LYST: variants seen among roughly 807,000 people sequenced by gnomAD.
The protein encoded by LYST is lysosomal trafficking regulator.
LYST carries 192 observed loss-of-function variants against 413.6 expected under a neutral mutation model. The ratio of observed to expected loss-of-function variants is 0.46; its 90% CI spans 0.41 to 0.52. The LOEUF is 0.52. Ranked by LOEUF, LYST falls within the 20% of genes least tolerant of loss-of-function variation. The pLI is 0.00. For missense variants in LYST, 3,815 were observed against 4,499.9 expected (o/e 0.85, Z 4.35); for synonymous variants, 1,525 against 1,567.3 (o/e 0.97, Z 0.64).
chr1:235,776,062 T>G (rs1207748470), intron 17 of LYST, among the ~76,000 whole-genome samples: 1 of 152,102 alleles, frequency 6.6e-6, no homozygotes, highest in Admixed American at 6.5e-5. Flanking sequence ...AATACCTTGA[T>G]GAAAGAGAAG....
intron 48 of LYST, among the ~76,000 whole-genome samples, chr1:235,681,080 T>C (rs1259891840): frequency 1.3e-5 from 2 of 152,122 alleles, no homozygotes; most frequent in African/African-American, 2.4e-5. Flanking sequence ...CTACCAAAGA[T>C]GATTTTCACA....
chr1:235,835,577 C>T lies in LYST; in HGVS notation c.-97-1910G>A, dbSNP rs555534829. On this transcript the variant is annotated intron_variant, in intron 1 of 52. Transcript: ENST00000389793. Reference sequence around the variant, plus strand: ...ACAAAGCCTCACTTGAATATCTATGCAGTTTCATTTTATCCAAGATCATAA... The same window carrying T: ...ACAAAGCCTCACTTGAATATCTATGTAGTTTCATTTTATCCAAGATCATAA... Among the ~76,000 whole-genome samples the T allele has an allele frequency of 2.6e-5, 4 of 152,326 alleles. No homozygotes were observed. The South Asian group carries it at 8.3e-4, about 32-fold the overall frequency.
At chr1:235,708,143 C>A (rs1046959374) in intron 44 of LYST, among the ~76,000 whole-genome samples, 8 of 151,814 alleles carry the variant, frequency 5.3e-5, no homozygotes, top group African/African-American at 1.9e-4. Context: ...GATAAGGTTA[C>A]CAAATAGCAT....
intron 44 of LYST, among the ~76,000 whole-genome samples, chr1:235,708,848 T>C (rs1330287613): frequency 2.0e-5 from 3 of 152,272 alleles, no homozygotes; most frequent in African/African-American, 7.2e-5. Context: ...ATATGCTGAA[T>C]CCTCAAGTCC....
chr1:235,741,375 T>C (rs2103258267), intron 31 of LYST, 47 bp downstream of exon 31: 1 of 1,415,422 alleles, frequency 7.1e-7, no homozygotes, highest in Non-Finnish European at 1.0e-6. Flanking sequence ...TCAGACTTTG[T>C]ATTTCACCAA....
chr1:235,772,659 C>T (rs12075741), intron 19 of LYST, among the ~76,000 whole-genome samples: 4 of 152,098 alleles, frequency 2.6e-5, no homozygotes, highest in African/African-American at 4.8e-5. Flanking sequence ...TTTGTACTTA[C>T]GATGAAGCCT....
At chr1:235,741,803 G>A (rs1482037745) in intron 30 of LYST, among the ~76,000 whole-genome samples, 175 bp from the exon 31 acceptor site, 1 of 152,060 alleles carries the variant, frequency 6.6e-6, no homozygotes, top group Non-Finnish European at 1.5e-5. Flanking sequence ...AAAAGAGATG[G>A]GCATACAACA....
chr1:235,834,784 AC>A (rs1676382144), intron 1 of LYST, among the ~76,000 whole-genome samples: 1 of 151,848 alleles, frequency 6.6e-6, no homozygotes, highest in Non-Finnish European at 1.5e-5. Context: ...TTTCAGTCTC[AC>A]CCCCTCATTC....
intron 1 of LYST, among the ~76,000 whole-genome samples, chr1:235,858,476 A>C (rs1427029384): frequency 6.6e-6 from 1 of 152,126 alleles, no homozygotes; most frequent in Non-Finnish European, 1.5e-5. Context: ...ATCACCTGAA[A>C]CTGCTAACTC....
At chr1:235,789,096 G>A (rs1050849080) in intron 12 of LYST, among the ~76,000 whole-genome samples, 21 of 152,086 alleles carry the variant, frequency 1.4e-4, no homozygotes, top group Non-Finnish European at 3.1e-4. Flanking sequence ...TATAATAACT[G>A]AGGACAATTG....
In LYST at chr1:235,877,430, G is replaced by A. The variant is rs868833464; in HGVS notation, n.454+5757C>T. Among the ~76,000 whole-genome samples the A allele has an allele frequency of 3.3e-5, 5 of 152,066 alleles. No homozygotes were observed. The East Asian group carries it at 7.7e-4, about 23-fold the overall frequency. On this transcript the variant is annotated intron_variant and non_coding_transcript_variant, in intron 1 of 11. Transcript: ENST00000465349. Reference sequence around the variant, plus strand: ...CTTTGTTGTTGTTGTTTTTGGAGACGGGGTTTTGCTCTTGTCGCCCAGGCT... The same window carrying A: ...CTTTGTTGTTGTTGTTTTTGGAGACAGGGTTTTGCTCTTGTCGCCCAGGCT...
At chr1:235,720,936 A>G (rs752268331) in intron 39 of LYST, 31 bp from the exon 40 acceptor site, 1 of 1,608,656 alleles carries the variant, frequency 6.2e-7, no homozygotes, top group South Asian at 1.1e-5. Context: ...AAAAACCCAG[A>G]TATTATTTTT....
chr1:235,718,524 A>T (rs1413408513), intron 40 of LYST, among the ~76,000 whole-genome samples: 1 of 152,084 alleles, frequency 6.6e-6, no homozygotes, highest in Non-Finnish European at 1.5e-5. Context: ...GGCCTCCCAA[A>T]GTGCTGGGAT....
Position 235,720,821 on chromosome 1 carries a change from A to T in LYST, c.9400T>A (p.Leu3134Ile), listed in dbSNP as rs1663293926. Residue 3134 changes from leucine to isoleucine, a missense_variant, in exon 40 of 53, where the codon TTA becomes ATA. Transcript: ENST00000389793. ...TTAGTAATTTGCCCAGTATACCATA[A>T]ATTTGTCAGAGCGGTGATGTTACCA... ...EYGNITALTN[L>I]WYTGQITNFE... The T allele has an allele frequency of 1.9e-6, 3 of 1,614,066 alleles. No homozygotes were observed. Among genetic ancestry groups the T allele is most frequent in the Non-Finnish European group, 2.5e-6 (3 of 1,179,958 alleles).
intron 40 of LYST, among the ~76,000 whole-genome samples, chr1:235,717,171 T>C (rs1409685537): frequency 6.6e-6 from 1 of 152,134 alleles, no homozygotes; most frequent in Non-Finnish European, 1.5e-5. Context: ...TTAGGCGGTG[T>C]AGAATGAAGG....
intron 8 of LYST, among the ~76,000 whole-genome samples, chr1:235,801,802 C>A (rs1164677280): frequency 6.6e-6 from 1 of 152,096 alleles, no homozygotes; most frequent in South Asian, 2.1e-4. Context: ...AGTCATGGGT[C>A]CATCAAGCCC....
At position 235,806,134 on chromosome 1, in the gene LYST, A is replaced by C; in HGVS notation, c.3002T>G (p.Leu1001Arg). 6.2e-7 allele frequency: 1 copy of C among 1,613,936 alleles called. No individual in the cohort carries two copies. The highest frequency in any genetic ancestry group is 1.1e-5 in the South Asian group (1 of 91,070). ...HKLIFMIIQK[L>R]FRSHKEEQGK... ...TTGCTCCTCTTTGTGACTTCTGAACAGTTTCTGTATTATCATAAATATTAA... is the reference window on the plus strand; with the variant it reads ...TTGCTCCTCTTTGTGACTTCTGAACCGTTTCTGTATTATCATAAATATTAA... The change falls in exon 6 of 53, where the codon CTG (leucine) becomes CGG (arginine). Residue 1001 changes from leucine (L) to arginine (R), a missense_variant. By Grantham distance (102) the Leu-to-Arg change is moderately radical. This residue lies in a region of LYST where 1,648 missense variants were observed against 1,810.3 expected (regional missense o/e 0.91). Transcript: ENST00000389793.
intron 16 of LYST, among the ~76,000 whole-genome samples, chr1:235,779,146 C>T (rs778951670): frequency 1.1e-4 from 16 of 152,178 alleles, no homozygotes; most frequent in Non-Finnish European, 1.9e-4. Flanking sequence ...GGATTACAGG[C>T]ATGAGCCACC....
chr1:235,875,288 A>G (rs957428813), intron 1 of LYST, among the ~76,000 whole-genome samples: 10 of 152,190 alleles, frequency 6.6e-5, no homozygotes, highest in African/African-American at 2.2e-4. Flanking sequence ...ATAGATCACT[A>G]TTCCCTATTT....
Sources: gnomAD v4.1 joint callset for allele counts (sites outside exome capture counted in the v4.1 genomes callset) on GRCh38, gnomAD v4.1.1 for gene constraint, gnomAD v4.1.1 regional missense constraint, MANE v1.5 for transcripts, NCBI Gene and HGNC (gene_info 2026-07-23, HGNC 2026-07-21) for gene names.